Variants in ZNF804B observed in about 807,000 individuals in gnomAD.
ZNF804B encodes zinc finger 804B.
Under a neutral mutation model 101.4 loss-of-function variants are expected in ZNF804B, and 80 were observed. That is an observed-to-expected ratio of 0.79 (90% CI 0.66 to 0.95). The LOEUF (loss-of-function observed/expected upper bound fraction) is 0.95, where lower values mean the gene tolerates loss of function less well. Among genes scored for constraint, ZNF804B ranks in the 40% least tolerant of loss-of-function variants. The probability of loss-of-function intolerance (pLI) is 0.00; values close to 1 mark genes in which losing one functional copy is unlikely to be tolerated. For synonymous variants in ZNF804B, 622 were observed against 558.8 expected, an observed-to-expected ratio of 1.11 and a Z score of -1.59; for missense variants, 1,673 against 1,561.9, an observed-to-expected ratio of 1.07 and a Z score of -1.20.
intron 1 of ZNF804B, among the ~76,000 whole-genome samples, chr7:89,046,670 G>C (rs911565500): frequency 1.1e-4 from 16 of 152,012 alleles, no homozygotes; most frequent in Non-Finnish European, 1.5e-4. Context: ...TTCTGATCTT[G>C]AAAATTTTGA....
intron 1 of ZNF804B, among the ~76,000 whole-genome samples, chr7:88,889,622 C>T (rs540875928): frequency 1.3e-5 from 2 of 152,120 alleles, no homozygotes; most frequent in African/African-American, 2.4e-5. Flanking sequence ...GCCCTTTGCC[C>T]ACTTTTTGAT....
At position 89,314,362 on chromosome 7, in the gene ZNF804B, C is replaced by T. The variant is rs527533629; in HGVS notation, c.250-12982C>T. Among the ~76,000 whole-genome samples, 103 of 152,034 alleles carry T rather than the reference C, an allele frequency of 6.8e-4. 1 individual carries two copies. The highest frequency in any genetic ancestry group is 6.8e-3 in the Middle Eastern group (2 of 294). Reference sequence around the variant, plus strand: ...CAACATACTTCCTTTTTTTCGACTTCTCCTTTGCAAAAAAACTACACCTAC... The same window carrying T: ...CAACATACTTCCTTTTTTTCGACTTTTCCTTTGCAAAAAAACTACACCTAC... On this transcript the variant is annotated intron_variant, in intron 2 of 3. Coordinates refer to ENST00000333190, the MANE Select transcript of ZNF804B (RefSeq NM_181646.5).
chr7:88,804,477 G>A (rs1790655541), intron 1 of ZNF804B, among the ~76,000 whole-genome samples: 2 of 151,992 alleles, frequency 1.3e-5, no homozygotes, highest in South Asian at 2.1e-4. Context: ...TCTCAGTTAT[G>A]TTTCTTTTAT....
At chr7:89,168,682 CTTTTTTTTTTTTT>C (rs372503661) in intron 1 of ZNF804B, among the ~76,000 whole-genome samples, 2 of 115,744 alleles carry the variant, frequency 1.7e-5, no homozygotes, top group African/African-American at 6.5e-5. Context: ...GAGCTGAATA[CTTTTTTTTTTTTT>C]TTTTTTTTTT....
At chr7:89,041,201 A>T (rs1789012471) in intron 1 of ZNF804B, among the ~76,000 whole-genome samples, 1 of 152,130 alleles carries the variant, frequency 6.6e-6, no homozygotes, top group Non-Finnish European at 1.5e-5. Context: ...TGACTCTGAG[A>T]TGTACCTGGA....
intron 1 of ZNF804B, among the ~76,000 whole-genome samples, chr7:88,840,496 A>G (rs1791279554): frequency 6.6e-6 from 1 of 152,208 alleles, no homozygotes; most frequent in Admixed American, 6.6e-5. Context: ...AGATAATATT[A>G]AAAGTATTAT....
At chr7:89,171,288 G>GCTGCTGCTTCTTCTT (rs1215246589) in intron 1 of ZNF804B, among the ~76,000 whole-genome samples, 98 of 82,524 alleles carry the variant, frequency 1.2e-3, no homozygotes, top group African/African-American at 4.5e-3. Flanking sequence ...TGCTGCTGCT[G>GCTGCTGCTTCTTCTT]CTTCTTCTTC....
At chr7:88,804,668 T>C (rs1790657620) in intron 1 of ZNF804B, among the ~76,000 whole-genome samples, 1 of 152,170 alleles carries the variant, frequency 6.6e-6, no homozygotes, top group South Asian at 2.1e-4. Context: ...AATTTTATTA[T>C]GATTGGAGTA....
chr7:88,800,413 A>T (rs1231060842), intron 1 of ZNF804B, among the ~76,000 whole-genome samples: 1 of 152,142 alleles, frequency 6.6e-6, no homozygotes, highest in Non-Finnish European at 1.5e-5. Flanking sequence ...AATTGATTAC[A>T]ACATTTCACA....
At chr7:89,057,590 A>G (rs1789317512) in intron 1 of ZNF804B, among the ~76,000 whole-genome samples, 1 of 152,186 alleles carries the variant, frequency 6.6e-6, no homozygotes, top group East Asian at 1.9e-4. Flanking sequence ...TGGAATTTAC[A>G]TTGTTTCTGA....
In ZNF804B at chr7:89,268,258, T is replaced by C. The variant is rs144327231; in HGVS notation, c.249+49963T>C. Among the ~76,000 whole-genome samples, 1,122 of 152,284 alleles carry C rather than the reference T, an allele frequency of 7.4e-3. 11 individuals carry two copies. The highest frequency in any genetic ancestry group is 0.012 in the Non-Finnish European group (814 of 67,996). On this transcript the variant is annotated intron_variant, in intron 2 of 3. Transcript: ENST00000333190. ...AAATCACAATATCTCACAAATCCAA[T>C]TTTTAATAATCACTTCCAGATTCCT...
chr7:88,800,594 G>A (rs147175575), intron 1 of ZNF804B, among the ~76,000 whole-genome samples: 2 of 151,956 alleles, frequency 1.3e-5, no homozygotes, highest in East Asian at 3.9e-4. Flanking sequence ...AGAGTGCTAA[G>A]ATATAAACAA....
intron 1 of ZNF804B, among the ~76,000 whole-genome samples, chr7:89,035,049 G>C (rs548645482): frequency 6.6e-6 from 1 of 152,120 alleles, no homozygotes; most frequent in East Asian, 1.9e-4. Flanking sequence ...TTACATTTTG[G>C]GGGAAGAAAT....
intron 1 of ZNF804B, among the ~76,000 whole-genome samples, chr7:88,999,501 G>A (rs1415950077): frequency 6.6e-6 from 1 of 151,886 alleles, no homozygotes; most frequent in Non-Finnish European, 1.5e-5. Flanking sequence ...TAAACACTTT[G>A]TAGTCTACTC....
intron 1 of ZNF804B, among the ~76,000 whole-genome samples, chr7:88,775,140 A>G (rs1790122867): frequency 6.6e-6 from 1 of 152,202 alleles, no homozygotes; most frequent in South Asian, 2.1e-4. Context: ...AAGAATTTAA[A>G]ATTCTTGTGA....
At chr7:89,302,507 T>C (rs1317505320) in intron 2 of ZNF804B, among the ~76,000 whole-genome samples, 3 of 151,864 alleles carry the variant, frequency 2.0e-5, no homozygotes, top group Non-Finnish European at 4.4e-5. Flanking sequence ...GAGGAAGTTA[T>C]GCTAGAGAGA....
intron 1 of ZNF804B, among the ~76,000 whole-genome samples, chr7:88,784,408 G>A (rs1024066538): frequency 8.6e-5 from 13 of 151,984 alleles, no homozygotes; most frequent in Non-Finnish European, 2.9e-5. Context: ...ATAGTCACTC[G>A]GGGACCTTTA....
chr7:88,775,614 C>A (rs1362049334), intron 1 of ZNF804B, among the ~76,000 whole-genome samples: 1 of 152,088 alleles, frequency 6.6e-6, no homozygotes, highest in Non-Finnish European at 1.5e-5. Flanking sequence ...ATAGGAGTTC[C>A]AAAGTTGAGT....
At chr7:89,273,541 C>G (rs921200465) in intron 2 of ZNF804B, among the ~76,000 whole-genome samples, 5 of 152,078 alleles carry the variant, frequency 3.3e-5, no homozygotes, top group Admixed American at 2.0e-4. Flanking sequence ...CTGCTAGAAG[C>G]TTACAAACAA....
Sources: gnomAD v4.1 joint callset for allele counts (sites outside exome capture counted in the v4.1 genomes callset) on GRCh38, gnomAD v4.1.1 for gene constraint, MANE v1.5 for transcripts, NCBI Gene and HGNC (gene_info 2026-07-23, HGNC 2026-07-21) for gene names.